The following KCNB2 variants were observed in gnomAD, a reference collection of about 807,000 sequenced individuals.
KCNB2 encodes potassium voltage-gated channel subfamily B member 2, also known as delayed rectifier potassium channel protein.
Under a neutral mutation model 61.5 loss-of-function variants are expected in KCNB2, and 15 were observed. The observed-to-expected ratio is 0.24, with a 90% CI of 0.16 to 0.38. The LOEUF (loss-of-function observed/expected upper bound fraction) is 0.38, where lower values mean the gene tolerates loss of function less well. KCNB2 is among the 10% of genes least tolerant of loss of function. The pLI is 1.00. For synonymous variants in KCNB2, 457 were observed against 446.0 expected (o/e 1.02, Z -0.31); for missense variants, 828 against 1,125.2 (o/e 0.74, Z 3.78).
At chr8:72,837,828 CTTT>C (rs5892371) in intron 2 of KCNB2, among the ~76,000 whole-genome samples, 8,446 of 151,256 alleles carry the variant, frequency 0.056, 295 homozygotes, top group Non-Finnish European at 0.082. Flanking sequence ...AACTTCAATC[CTTT>C]TTTTAAAAAA....
chr8:72,710,205 A>T (rs1807302941), intron 2 of KCNB2, among the ~76,000 whole-genome samples: 1 of 152,174 alleles, frequency 6.6e-6, no homozygotes, highest in Non-Finnish European at 1.5e-5. Context: ...TAAATTTTAT[A>T]AGGGCTTCTC....
intron 2 of KCNB2, among the ~76,000 whole-genome samples, chr8:72,858,224 A>G (rs950061674): frequency 4.6e-5 from 7 of 152,232 alleles, no homozygotes; most frequent in African/African-American, 1.7e-4. Context: ...ATTACATTCT[A>G]GTTCAGATAG....
At chr8:72,800,995 T>C (rs549688557) in intron 2 of KCNB2, among the ~76,000 whole-genome samples, 23 of 152,182 alleles carry the variant, frequency 1.5e-4, no homozygotes, top group Non-Finnish European at 1.3e-4. Flanking sequence ...TTATGTTTGC[T>C]CTGTTTCCTG....
intron 2 of KCNB2, among the ~76,000 whole-genome samples, chr8:72,595,055 A>AT (rs1807166053): frequency 6.6e-6 from 1 of 152,098 alleles, no homozygotes; most frequent in Non-Finnish European, 1.5e-5. Flanking sequence ...GGGTCTTGCT[A>AT]TTTTACAGAT....
intron 2 of KCNB2, among the ~76,000 whole-genome samples, chr8:72,710,414 C>A (rs1321723291): frequency 6.6e-6 from 1 of 151,994 alleles, no homozygotes; most frequent in African/African-American, 2.4e-5. Context: ...ACTAAAGACA[C>A]CAATTAGAGC....
At chr8:72,817,266 G>A (rs962727919) in intron 2 of KCNB2, among the ~76,000 whole-genome samples, 4 of 152,116 alleles carry the variant, frequency 2.6e-5, no homozygotes, top group Admixed American at 2.6e-4. Flanking sequence ...TGTGGCAAGT[G>A]GTGCTGAAAA....
At chr8:72,935,454 G>T (rs541520299) in intron 2 of KCNB2, among the ~76,000 whole-genome samples, 1 of 152,266 alleles carries the variant, frequency 6.6e-6, no homozygotes, top group South Asian at 2.1e-4. Context: ...AAGCATTGTT[G>T]TACTGAGTGC....
At chr8:72,594,321 G>GA (rs1357108067) in intron 2 of KCNB2, among the ~76,000 whole-genome samples, 4 of 152,040 alleles carry the variant, frequency 2.6e-5, no homozygotes. Flanking sequence ...CCCTGCCACT[G>GA]AGCATTATTC....
chr8:72,616,715 G>T (rs1384825688), intron 2 of KCNB2, among the ~76,000 whole-genome samples: 2 of 152,292 alleles, frequency 1.3e-5, no homozygotes, highest in Non-Finnish European at 1.5e-5. Context: ...GGAATGCAAA[G>T]GTTATCAGAG....
intron 2 of KCNB2, among the ~76,000 whole-genome samples, chr8:72,801,243 T>C (rs1809120615): frequency 6.6e-6 from 1 of 152,228 alleles, no homozygotes; most frequent in African/African-American, 2.4e-5. Context: ...ATACCCATTT[T>C]TGTAGATGCT....
intron 1 of KCNB2, among the ~76,000 whole-genome samples, chr8:72,542,532 CTTAAAAA>C (rs1016465489): frequency 4.0e-5 from 6 of 151,798 alleles, no homozygotes; most frequent in African/African-American, 1.5e-4. Context: ...CCACAGCCAA[CTTAAAAA>C]TTAAAAATTA....
At chr8:72,871,327 T>C (rs1242615890) in intron 2 of KCNB2, among the ~76,000 whole-genome samples, 1 of 152,184 alleles carries the variant, frequency 6.6e-6, no homozygotes, top group Non-Finnish European at 1.5e-5. Flanking sequence ...AATTAACAAA[T>C]GAATGCATAC....
chr8:72,693,876 T>C (rs1806977830), intron 2 of KCNB2, among the ~76,000 whole-genome samples: 3 of 152,230 alleles, frequency 2.0e-5, no homozygotes, highest in African/African-American at 7.2e-5. Flanking sequence ...TAAATCTGGA[T>C]TTCCCTCAAA....
chr8:72,580,191 G>T (rs893551133), intron 2 of KCNB2, among the ~76,000 whole-genome samples: 43 of 152,364 alleles, frequency 2.8e-4, no homozygotes, highest in African/African-American at 1.0e-3. Flanking sequence ...AATGGAAGTA[G>T]CTGGGTTCCT....
At chr8:72,607,933 T>C (rs1259756030) in intron 2 of KCNB2, among the ~76,000 whole-genome samples, 1 of 152,176 alleles carries the variant, frequency 6.6e-6, no homozygotes, top group Non-Finnish European at 1.5e-5. Context: ...ATTCATCCAC[T>C]CATCATTATT....
intron 2 of KCNB2, among the ~76,000 whole-genome samples, chr8:72,579,931 C>T (rs1165498751): frequency 2.6e-5 from 4 of 152,230 alleles, no homozygotes; most frequent in African/African-American, 9.6e-5. Flanking sequence ...GTGAAAAGCA[C>T]TTTCTCACAT....
intron 2 of KCNB2, among the ~76,000 whole-genome samples, chr8:72,759,554 T>C (rs1048434507): frequency 1.3e-5 from 2 of 152,210 alleles, no homozygotes; most frequent in Non-Finnish European, 1.5e-5. Context: ...AAAGAACTTA[T>C]ATTCTCATCT....
intron 2 of KCNB2, among the ~76,000 whole-genome samples, chr8:72,854,590 A>G (rs1305386040): frequency 1.3e-5 from 2 of 152,186 alleles, no homozygotes; most frequent in Non-Finnish European, 2.9e-5. Flanking sequence ...TGCAGTGTAG[A>G]TAATGAGACT....
intron 2 of KCNB2, among the ~76,000 whole-genome samples, chr8:72,931,510 T>G (rs900036772): frequency 4.6e-5 from 7 of 152,226 alleles, no homozygotes; most frequent in Non-Finnish European, 1.0e-4. Context: ...AAGACGTCCT[T>G]CACATCCCTT....
Sources: allele counts gnomAD v4.1 joint callset (sites outside exome capture counted in the v4.1 genomes callset), GRCh38; gene constraint gnomAD v4.1.1; transcripts MANE v1.5; gene names NCBI Gene and HGNC (gene_info 2026-07-23, HGNC 2026-07-21).